Variants in TRIM24 observed in about 807,000 individuals in gnomAD.
The protein encoded by TRIM24 is tripartite motif containing 24.
Under a neutral mutation model 123.9 loss-of-function variants are expected in TRIM24, and 29 were observed. That is an observed-to-expected ratio of 0.23 (90% CI 0.17 to 0.32). The LOEUF is 0.32. Ranked by LOEUF, TRIM24 falls within the 10% of genes least tolerant of loss-of-function variation. The probability of loss-of-function intolerance (pLI) is 1.00; values close to 1 mark genes in which losing one functional copy is unlikely to be tolerated. For missense variants in TRIM24, 932 were observed against 1,295.3 expected (o/e 0.72, Z 4.31); for synonymous variants, 456 against 461.1 (o/e 0.99, Z 0.14).
chr7:138,470,113 T>A, intron 1 of TRIM24, among the ~76,000 whole-genome samples: 1 of 147,634 alleles, frequency 6.8e-6, no homozygotes, highest in Middle Eastern at 3.4e-3. Flanking sequence ...TTTTGCCTCC[T>A]ACAAGTATAA....
intron 1 of TRIM24, among the ~76,000 whole-genome samples, chr7:138,469,239 CTG>C (rs1392336013): frequency 1.3e-5 from 2 of 151,688 alleles, no homozygotes; most frequent in South Asian, 2.1e-4. Context: ...CTAGATTTCT[CTG>C]TTTAATTTTT....
At chr7:138,483,121 T>C (rs1442296553) in intron 1 of TRIM24, among the ~76,000 whole-genome samples, 1 of 152,042 alleles carries the variant, frequency 6.6e-6, no homozygotes. Context: ...GGTCTCACTT[T>C]GTTGCCCAGG....
chr7:138,537,920 T>C (rs1796927804), intron 6 of TRIM24, among the ~76,000 whole-genome samples: 1 of 152,236 alleles, frequency 6.6e-6, no homozygotes, highest in Admixed American at 6.5e-5. Flanking sequence ...TTTCCTCCTT[T>C]TTCCTTGCTA....
At chr7:138,531,328 A>G (rs28764878) in intron 6 of TRIM24, among the ~76,000 whole-genome samples, 2,995 of 151,262 alleles carry the variant, frequency 0.02, 85 homozygotes, top group African/African-American at 0.067. Flanking sequence ...TTAACTCGTT[A>G]TTTACATTAG....
rs1271920875 is a variant in TRIM24 at position 138,515,206 on chromosome 7, T to C, written c.484-6T>C. The stretch of plus-strand genomic sequence containing the variant: ...AAAAATTTACGTGCCATGGTTCTTT[T>C]GTCAGGTATGTACAAGCTGTGAGGA... On this transcript the variant is annotated splice_polypyrimidine_tract_variant and splice_region_variant and intron_variant, in intron 2 of 18. Coordinates refer to ENST00000343526, the MANE Select transcript of TRIM24 (RefSeq NM_015905.3). 4 of 1,594,536 alleles carry C rather than the reference T, an allele frequency of 2.5e-6. No individual in the cohort carries two copies. The highest frequency in any genetic ancestry group is 3.4e-6 in the Non-Finnish European group (4 of 1,169,330).
At chr7:138,467,414 T>G (rs1795167870) in intron 1 of TRIM24, among the ~76,000 whole-genome samples, 2 of 152,234 alleles carry the variant, frequency 1.3e-5, no homozygotes, top group African/African-American at 4.8e-5. Flanking sequence ...TGATCTCTGC[T>G]CACTGCAACC....
At chr7:138,485,649 T>C (rs994247656) in intron 1 of TRIM24, among the ~76,000 whole-genome samples, 1 of 152,310 alleles carries the variant, frequency 6.6e-6, no homozygotes, top group South Asian at 2.1e-4. Flanking sequence ...GCTTCATCCA[T>C]GTCCCTACAA....
Position 138,577,435 on chromosome 7 carries a change from C to T in TRIM24, c.2103C>T (p.Ser701=), listed in dbSNP as rs768273797. 1.3e-6 allele frequency: 2 copies of T among 1,573,652 alleles called. No individual in the cohort carries two copies. The highest frequency in any genetic ancestry group is 1.7e-6 in the Non-Finnish European group (2 of 1,162,750). The change falls in exon 14 of 19, where the codon AGC becomes AGT. Residue 701 remains serine (S), a synonymous_variant. Coordinates refer to ENST00000343526, the MANE Select transcript of TRIM24 (RefSeq NM_015905.3). ...VGSRGSSGSS[S]KPAGADSTHK... is the part of the protein sequence containing the mutation. ...ATACTTACAGCTCTGGCTCTTCCAG[C>T]AAACCAGCAGGAGCTGACTCTACAC... is the stretch of plus-strand genomic sequence containing the variant.
chr7:138,493,093 G>A (rs1481320278), intron 1 of TRIM24, among the ~76,000 whole-genome samples: 1 of 151,730 alleles, frequency 6.6e-6, no homozygotes, highest in African/African-American at 2.4e-5. Flanking sequence ...TTTCTATAAT[G>A]TGTGTCTCTT....
chr7:138,530,057 A>G (rs1352802628), intron 6 of TRIM24, among the ~76,000 whole-genome samples: 2 of 152,164 alleles, frequency 1.3e-5, no homozygotes, highest in Non-Finnish European at 2.9e-5. Context: ...AGAAAGTTCT[A>G]TCCCTTCTGG....
chr7:138,473,884 C>T (rs1795335394), intron 1 of TRIM24, among the ~76,000 whole-genome samples: 1 of 152,200 alleles, frequency 6.6e-6, no homozygotes, highest in Non-Finnish European at 1.5e-5. Flanking sequence ...CATCCTCCCA[C>T]CTCAGCCTCC....
chr7:138,567,350 A>C, intron 9 of TRIM24, 131 bp from the exon 10 acceptor site: 1 of 849,150 alleles, frequency 1.2e-6, no homozygotes, highest in Non-Finnish European at 1.7e-6. Context: ...TCATTCCCTT[A>C]TGTAAATCTT....
chr7:138,504,301 C>T lies in TRIM24; in HGVS notation c.376C>T (p.Arg126Cys), dbSNP rs1246806461. 4 of 1,588,834 alleles carry T rather than the reference C, an allele frequency of 2.5e-6. No homozygotes were observed. The highest frequency in any genetic ancestry group is 3.4e-6 in the Non-Finnish European group (4 of 1,171,128). Reference protein sequence around the residue: ...SPFATQVGVIRCPVCSQECAE... With the variant: ...SPFATQVGVICCPVCSQECAE... ...TTTGTTTTTCCCAGTTGGAGTCATT[C>T]GTTGCCCAGTTTGCAGCCAAGAATG... The change falls in exon 2 of 19, where the codon CGT becomes TGT. Residue 126 changes from arginine (R) to cysteine (C), a missense_variant. By Grantham distance (180) the Arg-to-Cys change is radical. Transcript: ENST00000343526.
At chr7:138,478,514 C>T (rs916871888) in intron 1 of TRIM24, among the ~76,000 whole-genome samples, 8 of 152,100 alleles carry the variant, frequency 5.3e-5, no homozygotes, top group Non-Finnish European at 7.4e-5. Context: ...TCTTACTCTG[C>T]GGCCCAGGCT....
chr7:138,571,083 A>G (rs947646316), intron 11 of TRIM24, 80 bp downstream of exon 11: 4 of 1,417,992 alleles, frequency 2.8e-6, no homozygotes, highest in South Asian at 1.2e-5. Context: ...TAATCCCAGC[A>G]CTTTGGGAGG....
chr7:138,531,027 C>T, intron 6 of TRIM24, among the ~76,000 whole-genome samples: 1 of 152,092 alleles, frequency 6.6e-6, no homozygotes, highest in East Asian at 1.9e-4. Flanking sequence ...AGCCTTGGCT[C>T]ACTGCAGCCT....
At chr7:138,538,260 G>A (rs1796934396) in intron 6 of TRIM24, among the ~76,000 whole-genome samples, 1 of 152,208 alleles carries the variant, frequency 6.6e-6, no homozygotes, top group South Asian at 2.1e-4. Context: ...CCTAAAAGGT[G>A]AAATCATATG....
At chr7:138,483,040 C>T (rs924909092) in intron 1 of TRIM24, among the ~76,000 whole-genome samples, 1 of 152,116 alleles carries the variant, frequency 6.6e-6, no homozygotes, top group Non-Finnish European at 1.5e-5. Context: ...ACCTCATCCT[C>T]TCGAGTAGCT....
At chr7:138,545,707 G>T (rs145566273) in intron 7 of TRIM24, among the ~76,000 whole-genome samples, 2 of 152,214 alleles carry the variant, frequency 1.3e-5, no homozygotes, top group East Asian at 1.9e-4. Flanking sequence ...CCAAAGAAAG[G>T]GGGGGAAAGT....
Sources: gnomAD v4.1 joint callset for allele counts (sites outside exome capture counted in the v4.1 genomes callset) on GRCh38, gnomAD v4.1.1 for gene constraint, MANE v1.5 for transcripts, NCBI Gene and HGNC (gene_info 2026-07-23, HGNC 2026-07-21) for gene names.